Variants in FXYD5 observed in about 807,000 individuals in gnomAD.
FXYD5 encodes the protein FXYD domain containing ion transport regulator 5.
FXYD5 carries 21 observed loss-of-function variants against 25.7 expected under a neutral mutation model. The observed-to-expected ratio is 0.82, with a 90% CI of 0.58 to 1.18. FXYD5 has a LOEUF of 1.18. FXYD5 is among the 50% of genes most tolerant of loss of function. FXYD5 has a pLI of 0.00. For missense variants in FXYD5, 229 were observed against 227.7 expected (o/e 1.01, Z -0.04); for synonymous variants, 101 against 90.7 (o/e 1.11, Z -0.64).
intron 5 of FXYD5, among the ~76,000 whole-genome samples, chr19:35,161,221 A>ACACACACACAC (rs2065401864): frequency 2.1e-3 from 82 of 38,236 alleles, no homozygotes; most frequent in African/African-American, 9.0e-3. Context: ...ATTCACCTTA[A>ACACACACACAC]ACACACACAC....
intron 8 of FXYD5, 187 bp downstream of exon 8, chr19:35,166,512 A>T: frequency 2.0e-6 from 1 of 503,216 alleles, no homozygotes; most frequent in East Asian, 3.3e-5. Flanking sequence ...TCTCAATACC[A>T]CAGTTTGGAA....
At chr19:35,159,657 A>C in intron 4 of FXYD5, 1 of 1,543,142 alleles carries the variant, frequency 6.5e-7, no homozygotes, top group Non-Finnish European at 8.7e-7. Context: ...ATATGTACTG[A>C]CTATGTGCTG....
chr19:35,158,237 T>A, intron 3 of FXYD5, 107 bp from the exon 4 acceptor site: 1 of 766,218 alleles, frequency 1.3e-6, no homozygotes, highest in South Asian at 1.4e-5. Context: ...TTCTATTACA[T>A]TAAAGTTGAG....
Position 35,160,573 on chromosome 19 carries a change from C to T in FXYD5, c.200-136C>T, listed in dbSNP as rs533782827. ...GTTGGTCAGGCTGGTCTCGAACTCC[C>T]GACCTAAGGTAATCTGCCCGCCTCG... On this transcript the variant is annotated intron_variant, in intron 4 of 8. Coordinates refer to ENST00000392219, the MANE Select transcript of FXYD5 (RefSeq NM_014164.6). 4.4e-4 allele frequency: 286 copies of T among 647,150 alleles called. 1 individual carries two copies. In the African/African-American group the frequency reaches 4.5e-3, roughly 10 times the overall value. The allele number at this position is 647,150 out of a possible 1,614,324, so 40.1% of individuals were successfully genotyped here.
Position 35,169,697 on chromosome 19 carries a change from C to A in FXYD5, c.*82C>A. 1 of 883,884 alleles carries A rather than the reference C, an allele frequency of 1.1e-6. No individual in the cohort carries two copies. The highest frequency in any genetic ancestry group is 1.9e-6 in the Non-Finnish European group (1 of 525,102). 54.8% of individuals were successfully genotyped at this position (883,884 alleles called of 1,614,324 possible). A position where few individuals can be genotyped will look rare whatever the true frequency, so the allele number is the denominator to read the frequency against. ...CCAGCTCACCGTGCCCAGCCTCCTGCATCCCCTCGAAGAGCCTGGCCAGAG... is the reference window on the plus strand; with the variant it reads ...CCAGCTCACCGTGCCCAGCCTCCTGAATCCCCTCGAAGAGCCTGGCCAGAG... On this transcript the variant is annotated 3_prime_UTR_variant, in exon 9 of 9. Coordinates refer to ENST00000392219, the MANE Select transcript of FXYD5 (RefSeq NM_014164.6).
intron 6 of FXYD5, 39 bp from the exon 7 acceptor site, chr19:35,166,102 CT>C (rs1226759077): frequency 7.5e-6 from 12 of 1,609,790 alleles, no homozygotes; most frequent in Non-Finnish European, 9.3e-6. Flanking sequence ...CTTCACAAAC[CT>C]TTGCTGAACC....
rs552605826 is a variant in FXYD5 at position 35,167,775 on chromosome 19, T to C, written c.487+1450T>C. On this transcript the variant is annotated intron_variant, in intron 8 of 8. Coordinates refer to ENST00000392219, the MANE Select transcript of FXYD5 (RefSeq NM_014164.6). ...TGATGTGTGCGTGATCCCCACTGAATCTGAGAGTCAAGCACTGTTGCCTCG... is the reference window on the plus strand; with the variant it reads ...TGATGTGTGCGTGATCCCCACTGAACCTGAGAGTCAAGCACTGTTGCCTCG... 1.1e-4 allele frequency among the ~76,000 whole-genome samples: 16 copies of C among 152,256 alleles called. 1 individual carries two copies. In the South Asian group the frequency reaches 2.7e-3, roughly 26 times the overall value.
chr19:35,158,391 C>T lies in FXYD5; in HGVS notation c.190C>T (p.Pro64Ser). Residue 64 changes from proline (P) to serine (S), a missense_variant, in exon 4 of 9, where the codon CCT becomes TCT. Transcript: ENST00000392219. ...LQPTSPTPTW[P>S]ADETPQPQTQ... Reference sequence around the variant, plus strand: ...GCCCACCTCTCCAACCCCAACCTGGCCTGCTGATGGTGAGTAGTGCAGGGG... The same window carrying T: ...GCCCACCTCTCCAACCCCAACCTGGTCTGCTGATGGTGAGTAGTGCAGGGG... 1 of 1,596,166 alleles carries T rather than the reference C, an allele frequency of 6.3e-7. No individual in the cohort carries two copies. Among genetic ancestry groups the T allele is most frequent in the Non-Finnish European group, 8.6e-7 (1 of 1,163,844 alleles).
In FXYD5 at chr19:35,157,408, C is replaced by G. The variant is rs1184443195; in HGVS notation, c.62-13C>G. On this transcript the variant is annotated splice_polypyrimidine_tract_variant and intron_variant, in intron 2 of 8. Transcript: ENST00000392219. ...CCAGGCTCCCTCCTGACTTCTCATCCTTGATTCCCCAGGACAGACGTTGAA... is the reference window on the plus strand; with the variant it reads ...CCAGGCTCCCTCCTGACTTCTCATCGTTGATTCCCCAGGACAGACGTTGAA... 1 of 1,515,236 alleles carries G rather than the reference C, an allele frequency of 6.6e-7. No homozygotes were observed. Among genetic ancestry groups the G allele is most frequent in the Non-Finnish European group, 9.2e-7 (1 of 1,090,818 alleles). 93.9% of individuals were successfully genotyped at this position (1,515,236 alleles called of 1,614,324 possible). A position where few individuals can be genotyped will look rare whatever the true frequency, so the allele number is the denominator to read the frequency against.
intron 5 of FXYD5, among the ~76,000 whole-genome samples, chr19:35,161,841 C>G (rs1241046452): frequency 1.3e-5 from 2 of 152,218 alleles, no homozygotes; most frequent in Admixed American, 6.5e-5. Flanking sequence ...TACAGTTGTG[C>G]AGACTGGGTA....
At chr19:35,155,458 C>A in intron 1 of FXYD5, 93 bp from the exon 2 acceptor site, 1 of 1,053,708 alleles carries the variant, frequency 9.5e-7, no homozygotes, top group South Asian at 1.3e-5. Flanking sequence ...GGTTTTTGCT[C>A]AGGGCAGGGA....
rs2065397849 is a variant in FXYD5 at position 35,160,772 on chromosome 19, A to C, written c.263A>C (p.Asp88Ala). Residue 88 changes from aspartate to alanine, a missense_variant, in exon 5 of 9, where the codon GAT becomes GCT. Physicochemically the swap from Asp to Ala is moderately radical, Grantham distance 126. Transcript: ENST00000392219. ...GGAACGGATGGGCCTCTAGTGACAGATCCAGAGACACACAAGAGCACCAAA... is the reference window on the plus strand; with the variant it reads ...GGAACGGATGGGCCTCTAGTGACAGCTCCAGAGACACACAAGAGCACCAAA... ...LEGTDGPLVT[D>A]PETHKSTKAA... The C allele has an allele frequency of 1.9e-6, 3 of 1,613,174 alleles. No homozygotes were observed. Among genetic ancestry groups the C allele is most frequent in the Non-Finnish European group, 2.5e-6 (3 of 1,179,272 alleles).
chr19:35,155,747 A>G (rs1437480596), intron 2 of FXYD5, 136 bp downstream of exon 2: 9 of 719,338 alleles, frequency 1.3e-5, no homozygotes, highest in Non-Finnish European at 2.0e-5. Flanking sequence ...GGCACCAGGA[A>G]GTGGGGATCC....
At chr19:35,166,844 C>T (rs1411130757) in intron 8 of FXYD5, 2 of 155,804 alleles carry the variant, frequency 1.3e-5, no homozygotes, top group Non-Finnish European at 2.8e-5. Context: ...AGTCACATGG[C>T]AAAGGACATG....
At chr19:35,158,106 G>T (rs897093283) in intron 3 of FXYD5, among the ~76,000 whole-genome samples, 2 of 152,208 alleles carry the variant, frequency 1.3e-5, no homozygotes, top group African/African-American at 4.8e-5. Flanking sequence ...AAGACAATTT[G>T]CAGCCAGCAT....
intron 4 of FXYD5, among the ~76,000 whole-genome samples, chr19:35,159,094 T>C (rs1317043943): frequency 6.7e-6 from 1 of 148,464 alleles, no homozygotes; most frequent in Non-Finnish European, 1.5e-5. Context: ...GCCACTGCAC[T>C]CCAGCCTGGG....
chr19:35,159,124 C>T (rs370440660), intron 4 of FXYD5, among the ~76,000 whole-genome samples: 1 of 146,474 alleles, frequency 6.8e-6, no homozygotes, highest in African/African-American at 2.5e-5. Context: ...GAAACCCTGT[C>T]TCAAAAAAAA....
intron 5 of FXYD5, among the ~76,000 whole-genome samples, chr19:35,161,249 A>ACACACAC (rs58296906): frequency 3.4e-4 from 41 of 120,484 alleles, no homozygotes; most frequent in East Asian, 4.6e-4. Flanking sequence ...CACACACACA[A>ACACACAC]AAGAATGATT....
intron 6 of FXYD5, among the ~76,000 whole-genome samples, chr19:35,164,853 A>G (rs1265770563): frequency 6.6e-6 from 1 of 152,242 alleles, no homozygotes; most frequent in Non-Finnish European, 1.5e-5. Context: ...TAAGAGAAAC[A>G]CAACAAGAAA....
Sources: allele counts gnomAD v4.1 joint callset (sites outside exome capture counted in the v4.1 genomes callset), GRCh38; gene constraint gnomAD v4.1.1; transcripts MANE v1.5; gene names NCBI Gene and HGNC (gene_info 2026-07-23, HGNC 2026-07-21).